The following SRGAP2 variants were observed in gnomAD, a reference collection of about 807,000 sequenced individuals.
SRGAP2 encodes SLIT-ROBO Rho GTPase activating protein 2.
SRGAP2 carries 15 observed loss-of-function variants against 57.2 expected under a neutral mutation model. That is an observed-to-expected ratio of 0.26 (90% confidence interval 0.18 to 0.40). SRGAP2 has a LOEUF of 0.40. Among genes scored for constraint, SRGAP2 ranks in the 10% least tolerant of loss-of-function variants. The pLI is 1.00. For missense variants in SRGAP2, 520 were observed against 669.6 expected (o/e 0.78, Z 2.47); for synonymous variants, 249 against 248.0 (o/e 1.00, Z -0.04).
At position 206,370,266 on chromosome 1, in the gene SRGAP2, AAAATAAAT is replaced by A. The variant is rs61162750; in HGVS notation, c.424-13725_424-13718del. 8.8e-3 allele frequency among the ~76,000 whole-genome samples: 1,334 copies of A among 151,406 alleles called. 11 individuals are homozygous for A. Among genetic ancestry groups the A allele is most frequent in the African/African-American group, 0.028 (1,140 of 41,086 alleles). On this transcript the variant is annotated intron_variant, in intron 4 of 22. Transcript: ENST00000573034. ...GGGCGACAGAGCGAGACTCCATCTC[AAAATAAAT>A]AAATAAATAAATAAATAAATAACCA...
At chr1:206,221,290 A>G (rs1374842892) in intron 2 of SRGAP2, among the ~76,000 whole-genome samples, 1 of 150,472 alleles carries the variant, frequency 6.6e-6, no homozygotes, top group African/African-American at 2.5e-5. Flanking sequence ...TACAGAAAAA[A>G]GTTTCTGCCT....
rs1491520204 is a variant in SRGAP2 at position 206,372,950 on chromosome 1, T to TC, written c.424-11063dup. ...TTCTTTCTTTCTTTCTTTCTTTCTT[T>TC]CTTTCTTTTCTTTCCTTTCTTTCTT... On this transcript the variant is annotated intron_variant, in intron 4 of 22. Transcript: ENST00000573034. Among the ~76,000 whole-genome samples the TC allele has an allele frequency of 1.2e-3, 10 of 8,694 alleles. 3 individuals are homozygous for TC. The African/African-American group carries it at 0.013, about 11-fold the overall frequency. 5.7% of individuals were successfully genotyped at this position (8,694 alleles called of 152,430 possible).
intron 2 of SRGAP2, among the ~76,000 whole-genome samples, chr1:206,257,330 C>A (rs1553312611): frequency 1.1e-5 from 1 of 88,186 alleles, no homozygotes; most frequent in African/African-American, 4.6e-5. Context: ...CACCACTACA[C>A]ACTGCTATTT....
chr1:206,439,683 T>G (rs1304425882), intron 16 of SRGAP2, among the ~76,000 whole-genome samples: 1 of 152,154 alleles, frequency 6.6e-6, no homozygotes, highest in East Asian at 1.9e-4. Flanking sequence ...CAGTTTAATA[T>G]TAATAATGTG....
chr1:206,437,175 G>A (rs1219955952), intron 15 of SRGAP2, 133 bp downstream of exon 15: 2 of 678,332 alleles, frequency 2.9e-6, no homozygotes, highest in East Asian at 2.6e-5. Flanking sequence ...GGTACCTGCT[G>A]TCTTGTACAC....
At chr1:206,419,111 G>A (rs1274587709) in intron 11 of SRGAP2, among the ~76,000 whole-genome samples, 10 of 152,136 alleles carry the variant, frequency 6.6e-5, no homozygotes, top group African/African-American at 2.2e-4. Context: ...AGCAGAATTG[G>A]CCCTAAGGTT....
In SRGAP2 at chr1:206,279,581, AT is replaced by A. The variant is rs1165950488; in HGVS notation, c.68-23682del. On this transcript the variant is annotated intron_variant, in intron 2 of 22. Transcript: ENST00000573034. ...CAGACATGCACCACCACACCTGGCTATTTTTTTTTTTTTTTTTTGTAGAGAC... is the reference window on the plus strand; with the variant it reads ...CAGACATGCACCACCACACCTGGCTATTTTTTTTTTTTTTTTTGTAGAGAC... 9.4e-3 allele frequency among the ~76,000 whole-genome samples: 811 copies of A among 86,598 alleles called. 31 individuals carry two copies. The highest frequency in any genetic ancestry group is 0.041 in the African/African-American group (626 of 15,402). 56.8% of individuals were successfully genotyped at this position (86,598 alleles called of 152,430 possible). A position where few individuals can be genotyped will look rare whatever the true frequency, so the allele number is the denominator to read the frequency against.
chr1:206,387,125 C>CAAAAAAA (rs782327960), intron 5 of SRGAP2, among the ~76,000 whole-genome samples: 1 of 83,518 alleles, frequency 1.2e-5, no homozygotes, highest in Admixed American at 1.4e-4. Flanking sequence ...GACTCTGTCT[C>CAAAAAAA]AAAAAAAAAA....
chr1:206,213,943 A>G (rs1416446019), intron 2 of SRGAP2, among the ~76,000 whole-genome samples: 2 of 151,692 alleles, frequency 1.3e-5, no homozygotes, highest in African/African-American at 4.8e-5. Context: ...AGCAAACGAA[A>G]AAATAGATCT....
chr1:206,451,196 C>A (rs1553375789), intron 19 of SRGAP2, among the ~76,000 whole-genome samples: 3 of 151,152 alleles, frequency 2.0e-5, no homozygotes, highest in African/African-American at 7.3e-5. Flanking sequence ...TAGAAGCAAG[C>A]CAGAGGGAGT....
chr1:206,228,822 GC>G (rs1382357853), intron 2 of SRGAP2, among the ~76,000 whole-genome samples: 1 of 136,214 alleles, frequency 7.3e-6, no homozygotes, highest in Non-Finnish European at 1.5e-5. Context: ...TTCCATCAGC[GC>G]TTTAAAAAAA....
chr1:206,412,647 A>G (rs192874847), intron 10 of SRGAP2, among the ~76,000 whole-genome samples: 71 of 152,188 alleles, frequency 4.7e-4, no homozygotes, highest in Admixed American at 2.0e-3. Context: ...GGCCCCCGTG[A>G]TCTCCAGAAG....
At chr1:206,453,173 T>G (rs1216942940) in intron 19 of SRGAP2, 27 bp from the exon 20 acceptor site, 2 of 471,964 alleles carry the variant, frequency 4.2e-6, no homozygotes, top group South Asian at 8.1e-5. Flanking sequence ...CAAGAACATG[T>G]GTTTACTTCT....
chr1:206,423,983 G>A (rs1553365412), intron 13 of SRGAP2, among the ~76,000 whole-genome samples: 1 of 132,274 alleles, frequency 7.6e-6, no homozygotes, highest in Non-Finnish European at 1.6e-5. Flanking sequence ...TATAGAGACT[G>A]AGTTTCACCA....
At chr1:206,349,418 T>C (rs1571925025) in intron 4 of SRGAP2, among the ~76,000 whole-genome samples, 2 of 151,016 alleles carry the variant, frequency 1.3e-5, no homozygotes, top group South Asian at 2.1e-4. Context: ...TTTATAGGCA[T>C]CTACCCAAGA....
At chr1:206,398,804 G>A (rs1200472633) in intron 7 of SRGAP2, among the ~76,000 whole-genome samples, 1 of 152,178 alleles carries the variant, frequency 6.6e-6, no homozygotes, top group African/African-American at 2.4e-5. Context: ...AGAGGCCAGG[G>A]TCACTGGAGT....
intron 4 of SRGAP2, among the ~76,000 whole-genome samples, chr1:206,364,483 T>A (rs1252343146): frequency 3.9e-5 from 6 of 152,048 alleles, no homozygotes; most frequent in African/African-American, 1.2e-4. Flanking sequence ...GTATATTTAG[T>A]AGAGACAGGT....
At chr1:206,319,420 C>A (rs1297105403) in intron 3 of SRGAP2, among the ~76,000 whole-genome samples, 3 of 150,764 alleles carry the variant, frequency 2.0e-5, no homozygotes, top group African/African-American at 4.9e-5. Context: ...CAAAAAAAAA[C>A]AACAACAAAA....
At chr1:206,453,157 A>C (rs1553376662) in intron 19 of SRGAP2, 43 bp from the exon 20 acceptor site, 1 of 459,688 alleles carries the variant, frequency 2.2e-6, no homozygotes, top group Admixed American at 4.1e-5. Context: ...CTGAGTCTGC[A>C]GGTCCCAAGA....
Sources: allele counts gnomAD v4.1 joint callset (sites outside exome capture counted in the v4.1 genomes callset), GRCh38; gene constraint gnomAD v4.1.1; transcripts MANE v1.5; gene names NCBI Gene and HGNC (gene_info 2026-07-23, HGNC 2026-07-21).